The following SNAP25 variants were observed in gnomAD, a reference collection of about 807,000 sequenced individuals.
SNAP25 encodes the protein synaptosomal-associated protein 25.
In SNAP25, 3 loss-of-function variants were observed where a neutral mutation model predicts 28.7. The ratio of observed to expected loss-of-function variants is 0.10; its 90% CI spans 0.05 to 0.27. SNAP25 has a LOEUF of 0.27. Among genes scored for constraint, SNAP25 ranks in the 10% least tolerant of loss-of-function variants. SNAP25 has a pLI of 1.00. For missense variants in SNAP25, 117 were observed against 278.7 expected, an observed-to-expected ratio of 0.42 and a Z score of 4.13; for synonymous variants, 61 against 88.1, an observed-to-expected ratio of 0.69 and a Z score of 1.72.
chr20:10,255,212 A>C (rs1027957859), intron 1 of SNAP25, among the ~76,000 whole-genome samples: 7 of 152,200 alleles, frequency 4.6e-5, no homozygotes, highest in Non-Finnish European at 8.8e-5. Context: ...CAAGTTTCCA[A>C]AAGACTGGAT....
intron 2 of SNAP25, among the ~76,000 whole-genome samples, chr20:10,275,768 C>T (rs1316616113): frequency 6.6e-6 from 1 of 152,192 alleles, no homozygotes; most frequent in African/African-American, 2.4e-5. Flanking sequence ...ACTGTCTTGG[C>T]CCTAACTCTC....
intron 1 of SNAP25, among the ~76,000 whole-genome samples, chr20:10,268,953 T>C (rs370568767): frequency 6.6e-6 from 1 of 152,146 alleles, no homozygotes; most frequent in African/African-American, 2.4e-5. Context: ...CACAACTGGT[T>C]GCAGAAGTTA....
At chr20:10,275,778 C>T (rs941936941) in intron 2 of SNAP25, among the ~76,000 whole-genome samples, 3 of 152,190 alleles carry the variant, frequency 2.0e-5, no homozygotes, top group African/African-American at 7.2e-5. Context: ...CCCTAACTCT[C>T]AATTTCCAGA....
At chr20:10,240,242 G>C (rs2063001011) in intron 1 of SNAP25, among the ~76,000 whole-genome samples, 1 of 152,130 alleles carries the variant, frequency 6.6e-6, no homozygotes, top group South Asian at 2.1e-4. Flanking sequence ...CTCACAACAT[G>C]ACAGCTGACT....
At chr20:10,230,463 T>C (rs1279277331) in intron 1 of SNAP25, among the ~76,000 whole-genome samples, 1 of 152,184 alleles carries the variant, frequency 6.6e-6, no homozygotes, top group Non-Finnish European at 1.5e-5. Context: ...AATGATTCAT[T>C]ACTCTAGGAC....
At chr20:10,251,127 T>C (rs2063218837) in intron 1 of SNAP25, among the ~76,000 whole-genome samples, 1 of 152,236 alleles carries the variant, frequency 6.6e-6, no homozygotes, top group Non-Finnish European at 1.5e-5. Context: ...TGAGACATGA[T>C]CCTTGCCCTC....
chr20:10,286,901 G>C (rs1224955219), intron 4 of SNAP25, among the ~76,000 whole-genome samples: 1 of 152,112 alleles, frequency 6.6e-6, no homozygotes, highest in East Asian at 1.9e-4. Context: ...CAATGGGTTT[G>C]TTATTATTAC....
chr20:10,306,294 C>A lies in SNAP25; in HGVS notation c.*97C>A. On this transcript the variant is annotated 3_prime_UTR_variant, in exon 8 of 8. Transcript: ENST00000254976. ...ATCTAGTAGGTCTGCACACATAACA[C>A]ACATCAGTCCACCCCCATTGTGAAT... 3.0e-6 allele frequency: 3 copies of A among 1,007,058 alleles called. No individual in the cohort carries two copies. In the South Asian group the frequency reaches 4.1e-5, roughly 14 times the overall value. 62.4% of individuals were successfully genotyped at this position (1,007,058 alleles called of 1,614,324 possible). A position where few individuals can be genotyped will look rare whatever the true frequency, so the allele number is the denominator to read the frequency against.
In SNAP25 at chr20:10,293,410, T is replaced by C; in HGVS notation, c.281+132T>C. The C allele has an allele frequency of 4.5e-6, 3 of 660,394 alleles. No homozygotes were observed. Among genetic ancestry groups the C allele is most frequent in the Non-Finnish European group, 8.1e-6 (3 of 368,462 alleles). 40.9% of individuals were successfully genotyped at this position (660,394 alleles called of 1,614,324 possible). ...CAGAACAGATCAATACCGTCTCCAA[T>C]GCATTCATCTCATAGCATAGATGAT... On this transcript the variant is annotated intron_variant, in intron 5 of 7. Coordinates refer to ENST00000254976, the MANE Select transcript of SNAP25 (RefSeq NM_130811.4). This position sits in a 1 kb window ranked among gnomAD's most constrained non-coding sequence, Gnocchi z 5.6.
chr20:10,263,007 C>CTTTTT (rs1568598968), intron 1 of SNAP25, among the ~76,000 whole-genome samples: 6 of 77,906 alleles, frequency 7.7e-5, no homozygotes, highest in South Asian at 4.1e-4. Context: ...CCCTGGGGTG[C>CTTTTT]TCTTTTTTTT....
intron 1 of SNAP25, among the ~76,000 whole-genome samples, chr20:10,243,106 C>G (rs895177394): frequency 6.6e-6 from 1 of 152,198 alleles, no homozygotes; most frequent in Non-Finnish European, 1.5e-5. Context: ...GAATGTAGAT[C>G]AGTGGTTTCC....
chr20:10,274,874 GT>G (rs2063660787), intron 1 of SNAP25, among the ~76,000 whole-genome samples: 1 of 151,940 alleles, frequency 6.6e-6, no homozygotes, highest in African/African-American at 2.4e-5. Context: ...TAGATCAGCA[GT>G]TTTCTGGGCA....
chr20:10,296,849 G>A (rs537690192), intron 5 of SNAP25, 76 bp from the exon 6 acceptor site: 178 of 1,599,346 alleles, frequency 1.1e-4, no homozygotes, highest in Non-Finnish European at 1.4e-4. Context: ...TCGATTCTTC[G>A]CTTGAAGAAG....
At chr20:10,296,001 A>G (rs1471520883) in intron 5 of SNAP25, among the ~76,000 whole-genome samples, 5 of 152,168 alleles carry the variant, frequency 3.3e-5, no homozygotes, top group Non-Finnish European at 7.4e-5. Context: ...TCAGCCCAAC[A>G]AAGAAGCTAC....
chr20:10,220,044 G>T (rs889910952), intron 1 of SNAP25, among the ~76,000 whole-genome samples: 3 of 152,168 alleles, frequency 2.0e-5, no homozygotes, highest in Non-Finnish European at 2.9e-5. Flanking sequence ...GTTTGGTTTT[G>T]TTTTTTAACA....
intron 6 of SNAP25, among the ~76,000 whole-genome samples, chr20:10,297,565 A>T (rs1333814965): frequency 6.6e-6 from 1 of 152,234 alleles, no homozygotes; most frequent in African/African-American, 2.4e-5. Context: ...CTGAGCTAGC[A>T]ATAGCAGGAA....
chr20:10,306,309 C>A lies in SNAP25; in HGVS notation c.*112C>A, dbSNP rs1568634938. 5.5e-6 allele frequency: 5 copies of A among 910,658 alleles called. No individual in the cohort carries two copies. Among genetic ancestry groups the A allele is most frequent in the Non-Finnish European group, 8.8e-6 (5 of 571,382 alleles). 56.4% of individuals were successfully genotyped at this position (910,658 alleles called of 1,614,324 possible). On this transcript the variant is annotated 3_prime_UTR_variant, in exon 8 of 8. Transcript: ENST00000254976. ...ACACATAACACACATCAGTCCACCC[C>A]CATTGTGAATGTTGTCCTGTGTCAT...
intron 1 of SNAP25, among the ~76,000 whole-genome samples, chr20:10,231,272 G>A (rs532719454): frequency 6.6e-6 from 1 of 152,236 alleles, no homozygotes; most frequent in African/African-American, 2.4e-5. Context: ...AAAGGATCCT[G>A]ATGTCTTACA....
rs1174539552 is a variant in SNAP25 at position 10,305,641 on chromosome 20, A to AT, written c.553-482dup. ...GTACATGCTCATGCTCATTAGCAAT[A>AT]TTTTTTATCATCCAGGTTGGAGAAG... On this transcript the variant is annotated intron_variant, in intron 7 of 7. Coordinates refer to ENST00000254976, the MANE Select transcript of SNAP25 (RefSeq NM_130811.4). Among the ~76,000 whole-genome samples, 6 of 152,162 alleles carry AT rather than the reference A, an allele frequency of 3.9e-5. No individual in the cohort carries two copies. In the East Asian group the frequency reaches 1.2e-3, roughly 29 times the overall value.
Sources: gnomAD v4.1 joint callset for allele counts (sites outside exome capture counted in the v4.1 genomes callset) on GRCh38, gnomAD v4.1.1 for gene constraint, Gnocchi (gnomAD v3.1) non-coding constraint, MANE v1.5 for transcripts, NCBI Gene and HGNC (gene_info 2026-07-23, HGNC 2026-07-21) for gene names.